Variants in PLG observed in about 807,000 individuals in gnomAD.
PLG encodes plasminogen.
A neutral mutation model predicts 104.4 loss-of-function variants in PLG; 41 were observed. That is an observed-to-expected ratio of 0.39 (90% CI 0.31 to 0.51). The LOEUF (loss-of-function observed/expected upper bound fraction) is 0.51, where lower values mean the gene tolerates loss of function less well. Among genes scored for constraint, PLG ranks in the 20% least tolerant of loss-of-function variants. The pLI is 0.76. For missense variants in PLG, 891 were observed against 1,003.6 expected, an observed-to-expected ratio of 0.89 and a Z score of 1.52; for synonymous variants, 337 against 357.1, an observed-to-expected ratio of 0.94 and a Z score of 0.63.
intron 1 of PLG, chr6:160,705,867 A>G (rs1777511817): frequency 6.4e-6 from 1 of 155,756 alleles, no homozygotes; most frequent in Non-Finnish European, 1.4e-5. Context: ...GGCACAATCA[A>G]TAGCAAACAT....
chr6:160,742,620 GTTTC>G (rs1778213683), intron 17 of PLG, among the ~76,000 whole-genome samples: 1 of 152,036 alleles, frequency 6.6e-6, no homozygotes, highest in Non-Finnish European at 1.5e-5. Flanking sequence ...TCCCTTGAGA[GTTTC>G]TTTTTCTGTC....
chr6:160,753,566 C>T lies in PLG; in HGVS notation c.*505C>T, dbSNP rs551657790. Among the ~76,000 whole-genome samples the T allele has an allele frequency of 3.9e-4, 59 of 152,206 alleles. No individual in the cohort carries two copies. The highest frequency in any genetic ancestry group is 6.8e-3 in the Middle Eastern group (2 of 294). On this transcript the variant is annotated 3_prime_UTR_variant, in exon 19 of 19. Transcript: ENST00000308192. This position sits in a 1 kb window ranked among gnomAD's most constrained non-coding sequence, Gnocchi z 5.4. ...AACATGTATGGGGAGTCATGCAAAC[C>T]GATTCTGTTATTGGGAATGAAATCT... is the stretch of plus-strand genomic sequence containing the variant.
At position 160,736,804 on chromosome 6, in the gene PLG, C is replaced by T. The variant is rs1680511888; in HGVS notation, c.1682-83C>T. ...TTCGGCCTTTAAGATGTCAAAAACT[C>T]AGTGCTTGGAATTTGTCTCGAATTA... On this transcript the variant is annotated intron_variant, in intron 13 of 18. Transcript: ENST00000308192. This position sits in a 1 kb window ranked among gnomAD's most constrained non-coding sequence, Gnocchi z 5.2. The T allele has an allele frequency of 6.4e-7, 1 of 1,568,692 alleles. No homozygotes were observed.
Position 160,741,153 on chromosome 6 carries a change from G to A in PLG, c.2019-158G>A, listed in dbSNP as rs1778186363. Among the ~76,000 whole-genome samples the A allele has an allele frequency of 6.6e-6, 1 of 152,228 alleles. No individual in the cohort carries two copies. Among genetic ancestry groups the A allele is most frequent in the African/African-American group, 2.4e-5 (1 of 41,454 alleles). ...AGTCCATAGACAACCACAGGCAAAT[G>A]TGAGGGTGAAACTCTGTGTTCTACG... On this transcript the variant is annotated intron_variant, in intron 16 of 18. Coordinates refer to ENST00000308192, the MANE Select transcript of PLG (RefSeq NM_000301.5). The surrounding 1 kb of genome is among the most constrained non-coding windows in gnomAD (Gnocchi z 4.7).
At chr6:160,718,645 G>C in intron 8 of PLG, 48 bp from the exon 9 acceptor site, 1 of 1,601,294 alleles carries the variant, frequency 6.2e-7, no homozygotes, top group Non-Finnish European at 8.6e-7. Context: ...TGGTTCCCTA[G>C]ACTTTTTTCT....
intron 6 of PLG, among the ~76,000 whole-genome samples, chr6:160,715,570 A>C (rs1057057188): frequency 6.6e-6 from 1 of 152,188 alleles, no homozygotes; most frequent in Non-Finnish European, 1.5e-5. Context: ...ATTTCACATT[A>C]ATTGTGCTGG....
rs1778238791 is a variant in PLG at position 160,744,028 on chromosome 6, TG to T, written c.2125+2613del. Among the ~76,000 whole-genome samples the T allele has an allele frequency of 6.6e-6, 1 of 152,232 alleles. No individual in the cohort carries two copies. The highest frequency in any genetic ancestry group is 2.4e-5 in the African/African-American group (1 of 41,466). On this transcript the variant is annotated intron_variant, in intron 17 of 18. Coordinates refer to ENST00000308192, the MANE Select transcript of PLG (RefSeq NM_000301.5). The surrounding 1 kb of genome is among the most constrained non-coding windows in gnomAD (Gnocchi z 4.5). ...TAAAGCCTACTTGATCACGATGGAT[TG>T]GCTTTTTTATGTGCTGCTGGATTTG...
Position 160,723,849 on chromosome 6 carries a change from G to A in PLG, c.1256+1282G>A, listed in dbSNP as rs758798739. Among the ~76,000 whole-genome samples, 11 of 152,252 alleles carry A rather than the reference G, an allele frequency of 7.2e-5. No individual in the cohort carries two copies. Among genetic ancestry groups the A allele is most frequent in the South Asian group, 2.1e-4 (1 of 4,820 alleles). ...AGGAGAGACCTCGCTGAACATCTTG[G>A]GCATTCAGTAGTCACCACATAAAGC... On this transcript the variant is annotated intron_variant, in intron 10 of 18. Coordinates refer to ENST00000308192, the MANE Select transcript of PLG (RefSeq NM_000301.5). The surrounding 1 kb of genome is among the most constrained non-coding windows in gnomAD (Gnocchi z 4.7).
Position 160,752,039 on chromosome 6 carries a change from C to T in PLG, c.2126-76C>T, listed in dbSNP as rs1778410286. The stretch of plus-strand genomic sequence containing the variant: ...GCCTCACAGACAGGAGGTCCAGTGC[C>T]GCTGCTCTGTTCTGGAATATCCTCC... On this transcript the variant is annotated intron_variant, in intron 17 of 18. Coordinates refer to ENST00000308192, the MANE Select transcript of PLG (RefSeq NM_000301.5). This position sits in a 1 kb window ranked among gnomAD's most constrained non-coding sequence, Gnocchi z 4.7. 6.8e-6 allele frequency: 9 copies of T among 1,314,998 alleles called. No homozygotes were observed. The highest frequency in any genetic ancestry group is 5.0e-5 in the Admixed American group (3 of 59,558). 81.5% of individuals were successfully genotyped at this position (1,314,998 alleles called of 1,614,324 possible).
intron 17 of PLG, among the ~76,000 whole-genome samples, chr6:160,748,458 AGGGAGGGAG>A (rs1186091277): frequency 4.9e-5 from 1 of 20,398 alleles, no homozygotes; most frequent in African/African-American, 1.9e-4. Flanking sequence ...GGAGGGAGGG[AGGGAGGGAG>A]GGAGGGAGGA....
At chr6:160,703,139 A>C (rs114820432) in intron 1 of PLG, among the ~76,000 whole-genome samples, 5,816 of 152,250 alleles carry the variant, frequency 0.038, 368 homozygotes, top group African/African-American at 0.13. Context: ...AAATTCTCAG[A>C]TCTGGGAAAT....
At position 160,753,027 on chromosome 6, in the gene PLG, T is replaced by C. The variant is rs1562385232; in HGVS notation, c.2399T>C (p.Val800Ala). 6 of 1,597,168 alleles carry C rather than the reference T, an allele frequency of 3.8e-6. No homozygotes were observed. The highest frequency in any genetic ancestry group is 4.5e-5 in the East Asian group (2 of 44,738). The stretch of plus-strand genomic sequence containing the variant: ...GTCTATGTTCGTGTTTCAAGGTTTG[T>C]TACTTGGATTGAGGGAGTGATGAGA... ...PGVYVRVSRF[V>A]TWIEGVMRNN The change falls in exon 19 of 19, where the codon GTT becomes GCT. Residue 800 changes from valine (V) to alanine (A), a missense_variant. Around this residue, in one of 2 missense-constraint regions of PLG, gnomAD observed 37 missense variants for 71.5 expected, o/e 0.52. Transcript: ENST00000308192. The surrounding 1 kb of genome is among the most constrained non-coding windows in gnomAD (Gnocchi z 5.4).
chr6:160,706,075 G>A (rs568771421), intron 1 of PLG: 37 of 332,442 alleles, frequency 1.1e-4, no homozygotes, highest in East Asian at 9.7e-4. Flanking sequence ...ACTAAATTGC[G>A]TGACACTGAG....
rs191090705 is a variant in PLG, at chr6:160,702,453, G to C, written c.49+100G>C. ...TTTATGTGCAATTCATTTAATTTTTGATTCATGAAACTTCCAGTTGAAAAT... is the reference window on the plus strand; with the variant it reads ...TTTATGTGCAATTCATTTAATTTTTCATTCATGAAACTTCCAGTTGAAAAT... On this transcript the variant is annotated intron_variant, in intron 1 of 18. Transcript: ENST00000308192. The C allele has an allele frequency of 4.8e-5, 65 of 1,342,410 alleles. No homozygotes were observed. The Admixed American group carries it at 9.8e-4, about 20-fold the overall frequency. The allele number at this position is 1,342,410 out of a possible 1,614,324, so 83.2% of individuals were successfully genotyped here. A position where few individuals can be genotyped will look rare whatever the true frequency, so the allele number is the denominator to read the frequency against.
In PLG at chr6:160,713,063, C is replaced by T. The variant is rs1235641340; in HGVS notation, c.485C>T (p.Pro162Leu). 6.2e-7 allele frequency: 1 copy of T among 1,608,716 alleles called. No individual in the cohort carries two copies. Among genetic ancestry groups the T allele is most frequent in the South Asian group, 1.1e-5 (1 of 90,910 alleles). Residue 162 changes from proline to leucine, a missense_variant, in exon 5 of 19, where the codon CCC (proline) becomes CTC (leucine). Around this residue, in one of 2 missense-constraint regions of PLG, gnomAD observed 854 missense variants for 932.1 expected, o/e 0.92. Transcript: ENST00000308192. The part of the protein sequence containing the change: ...CRNPDNDPQG[P>L]WCYTTDPEKR... ...AATCCAGACAACGATCCGCAGGGGC[C>T]CTGGTGCTATACTACTGATCCAGAA...
At chr6:160,742,698 G>A (rs1262621229) in intron 17 of PLG, among the ~76,000 whole-genome samples, 2 of 152,000 alleles carry the variant, frequency 1.3e-5, no homozygotes, top group African/African-American at 4.8e-5. Context: ...GATTGCTTTT[G>A]GCATCTTCAT....
chr6:160,703,185 G>A (rs1001830750), intron 1 of PLG, among the ~76,000 whole-genome samples: 16 of 151,900 alleles, frequency 1.1e-4, no homozygotes, highest in South Asian at 8.3e-4. Context: ...TTCCCAGAAG[G>A]AATCTAGGGC....
chr6:160,711,905 A>G (rs1181486369), intron 4 of PLG: 3 of 1,352,424 alleles, frequency 2.2e-6, no homozygotes, highest in Admixed American at 3.4e-5. Context: ...CAACTTGCCT[A>G]TTATTTATTT....
At chr6:160,743,792 G>C (rs116758646) in intron 17 of PLG, among the ~76,000 whole-genome samples, 1 of 152,136 alleles carries the variant, frequency 6.6e-6, no homozygotes, top group African/African-American at 2.4e-5. Flanking sequence ...TGTTGGCTGT[G>C]GACTTGTCAT....
Sources: allele counts gnomAD v4.1 joint callset (sites outside exome capture counted in the v4.1 genomes callset), GRCh38; gene constraint gnomAD v4.1.1; regional missense constraint gnomAD v4.1.1; non-coding constraint Gnocchi (gnomAD v3.1); transcripts MANE v1.5; gene names NCBI Gene and HGNC (gene_info 2026-07-23, HGNC 2026-07-21).